Variants in C10orf90 observed in about 807,000 individuals in gnomAD.
C10orf90 encodes chromosome 10 open reading frame 90.
C10orf90 carries 56 observed loss-of-function variants against 62.5 expected under a neutral mutation model. The observed-to-expected ratio is 0.90, with a 90% CI of 0.72 to 1.12. C10orf90 has a LOEUF of 1.12. C10orf90 is among the 50% of genes most tolerant of loss of function. The pLI is 0.00. For missense variants in C10orf90, 970 were observed against 880.4 expected (o/e 1.10, Z -1.29); for synonymous variants, 386 against 340.4 (o/e 1.13, Z -1.47).
intron 2 of C10orf90, among the ~76,000 whole-genome samples, chr10:126,576,782 TTA>T (rs1362245090): frequency 6.9e-6 from 1 of 144,038 alleles, no homozygotes; most frequent in Non-Finnish European, 1.5e-5. Context: ...CATATACATA[TTA>T]TATATATATT....
intron 2 of C10orf90, among the ~76,000 whole-genome samples, chr10:126,628,790 C>T (rs917837636): frequency 1.3e-4 from 20 of 152,212 alleles, no homozygotes; most frequent in African/African-American, 4.3e-4. Context: ...TCTGCAGAAA[C>T]CAGGCTTGCC....
intron 4 of C10orf90, among the ~76,000 whole-genome samples, chr10:126,480,388 C>T (rs1266225594): frequency 6.6e-6 from 1 of 152,206 alleles, no homozygotes; most frequent in Admixed American, 6.5e-5. Context: ...GCTCAGTCTT[C>T]TGTTGGCTTT....
chr10:126,529,048 C>A (rs1864025273), intron 2 of C10orf90, among the ~76,000 whole-genome samples: 1 of 152,088 alleles, frequency 6.6e-6, no homozygotes, highest in African/African-American at 2.4e-5. Flanking sequence ...AAAAAGAGAC[C>A]CTCACATATA....
In C10orf90 at chr10:126,646,551, C is replaced by T. The variant is rs1432983532; in HGVS notation, c.313+14G>A. The stretch of plus-strand genomic sequence containing the variant: ...TGAAAGGGAACCCTGCCTGGGCAGG[C>T]CCCAGTCCTTTACCTGCATTGGAAA... On this transcript the variant is annotated intron_variant, in intron 2 of 9. Coordinates refer to ENST00000488181, the MANE Select transcript of C10orf90 (RefSeq NM_001350921.2). 6.9e-6 allele frequency: 3 copies of T among 432,714 alleles called. No homozygotes were observed. The highest frequency in any genetic ancestry group is 1.7e-5 in the South Asian group (1 of 59,320). 26.8% of individuals were successfully genotyped at this position (432,714 alleles called of 1,614,324 possible).
At chr10:126,512,326 CTATGTGTGTGTA>C (rs1863160399) in intron 3 of C10orf90, among the ~76,000 whole-genome samples, 1 of 139,638 alleles carries the variant, frequency 7.2e-6, no homozygotes, top group Non-Finnish European at 1.5e-5. Context: ...TGTGTGTGTT[CTATGTGTGTGTA>C]TGTGTGTGTG....
At chr10:126,463,262 C>T (rs1860102148) in intron 5 of C10orf90, 1 of 152,382 alleles carries the variant, frequency 6.6e-6, no homozygotes, top group Non-Finnish European at 1.5e-5. Context: ...GCTCAAAGAC[C>T]CATCCCTGGA....
chr10:126,578,275 C>G (rs1844666555), intron 2 of C10orf90, among the ~76,000 whole-genome samples: 1 of 151,614 alleles, frequency 6.6e-6, no homozygotes, highest in Non-Finnish European at 1.5e-5. Flanking sequence ...ATAAAGAACT[C>G]TCGCGAATTA....
At chr10:126,520,981 G>A in intron 2 of C10orf90, 1 of 249,282 alleles carries the variant, frequency 4.0e-6, no homozygotes, top group Non-Finnish European at 7.6e-6. Flanking sequence ...TATCCAAATG[G>A]CCCTTATCCC....
At chr10:126,507,569 GCC>G (rs1311793085) in intron 3 of C10orf90, among the ~76,000 whole-genome samples, 8 of 150,150 alleles carry the variant, frequency 5.3e-5, no homozygotes. Context: ...CTCTCTTTTA[GCC>G]CAGCGGCTAC....
At position 126,504,823 on chromosome 10, in the gene C10orf90, T is replaced by A. The variant is rs1386966908; in HGVS notation, c.668A>T (p.Glu223Val). The A allele has an allele frequency of 6.2e-6, 10 of 1,600,652 alleles. No individual in the cohort carries two copies. Among genetic ancestry groups the A allele is most frequent in the Non-Finnish European group, 8.5e-6 (10 of 1,172,506 alleles). Reference sequence around the variant, plus strand: ...GCGGGGGCCCCCACAGGGTCTCTCCTCTTTGGGCGGCAGCTCTGCCTCAGG... The same window carrying A: ...GCGGGGGCCCCCACAGGGTCTCTCCACTTTGGGCGGCAGCTCTGCCTCAGG... ...RGPEAELPPK[E>V]ERPCGGPRRG... is the part of the protein sequence containing the mutation. Residue 223 changes from glutamate (E) to valine (V), a missense_variant, in exon 4 of 10, where the codon GAG becomes GTG. Glu to Val is a moderately radical substitution (Grantham distance 121). Transcript: ENST00000488181. The surrounding 1 kb of genome is among the most constrained non-coding windows in gnomAD (Gnocchi z 4.1).
intron 2 of C10orf90, among the ~76,000 whole-genome samples, chr10:126,586,816 C>G (rs1165875612): frequency 6.6e-6 from 1 of 152,082 alleles, no homozygotes; most frequent in Non-Finnish European, 1.5e-5. Context: ...TCCTATCCAC[C>G]ACAGGCGCTG....
chr10:126,620,491 CAT>C lies in C10orf90; in HGVS notation c.313+26072_313+26073del, dbSNP rs527834017. The stretch of plus-strand genomic sequence containing the variant: ...AAAATTCACGTTATCAATTGTCACT[CAT>C]GTGATTCATCCTTAGGACACAGTCT... On this transcript the variant is annotated intron_variant, in intron 2 of 9. Coordinates refer to ENST00000488181, the MANE Select transcript of C10orf90 (RefSeq NM_001350921.2). Among the ~76,000 whole-genome samples, 388 of 152,316 alleles carry C rather than the reference CAT, an allele frequency of 2.5e-3. 5 individuals are homozygous for C. The highest frequency in any genetic ancestry group is 8.4e-4 in the Non-Finnish European group (57 of 68,034).
chr10:126,438,540 C>T lies in C10orf90; in HGVS notation c.2189-8690G>A, dbSNP rs569028536. ...CACACTTCTAAAAGAATACAGTATA[C>T]GACAAATAACATATTTTTCAAAGGA... On this transcript the variant is annotated intron_variant, in intron 7 of 9. Coordinates refer to ENST00000488181, the MANE Select transcript of C10orf90 (RefSeq NM_001350921.2). 9.6e-4 allele frequency among the ~76,000 whole-genome samples: 145 copies of T among 151,766 alleles called. 1 individual carries two copies. The highest frequency in any genetic ancestry group is 3.4e-3 in the Middle Eastern group (1 of 294).
intron 2 of C10orf90, among the ~76,000 whole-genome samples, chr10:126,515,559 C>T (rs74736422): frequency 0.015 from 2,266 of 152,268 alleles, 45 homozygotes; most frequent in African/African-American, 0.052. Flanking sequence ...CATACCATAC[C>T]GCCTAGGTGC....
rs1252822314 is a variant in C10orf90, at chr10:126,461,476, AT to A, written c.1934del (p.Asp645ValfsTer23). On this transcript the variant is annotated frameshift_variant, in exon 6 of 10. Transcript: ENST00000488181. LOFTEE classifies it high-confidence loss of function. ...SPAAPSPAPRDGAGSPGLSED... is the reference protein window; with the variant it reads ...SPAAPSPAPRXGAGSPGLSED... The stretch of plus-strand genomic sequence containing the variant: ...CGGACAGGCCAGGGCTCCCTGCTCC[AT>A]CGCGGGGTGCTGGCGAGGGTGCTGC... The A allele has an allele frequency of 6.2e-7, 1 of 1,614,148 alleles. No individual in the cohort carries two copies. The highest frequency in any genetic ancestry group is 8.5e-7 in the Non-Finnish European group (1 of 1,180,014).
intron 2 of C10orf90, among the ~76,000 whole-genome samples, chr10:126,562,790 A>C (rs1283014565): frequency 6.6e-6 from 1 of 152,224 alleles, no homozygotes; most frequent in Non-Finnish European, 1.5e-5. Context: ...CCCAACCAGG[A>C]CAGTAAAACC....
At chr10:126,637,266 A>G (rs1258599575) in intron 2 of C10orf90, among the ~76,000 whole-genome samples, 2 of 151,956 alleles carry the variant, frequency 1.3e-5, no homozygotes, top group Non-Finnish European at 2.9e-5. Context: ...GGGGACATGC[A>G]CTCTGTGTCG....
chr10:126,574,610 A>G (rs1347548963), intron 2 of C10orf90, among the ~76,000 whole-genome samples: 4 of 152,130 alleles, frequency 2.6e-5, no homozygotes, highest in African/African-American at 9.7e-5. Context: ...GGGTGGCTTA[A>G]CAATAAATCA....
intron 2 of C10orf90, among the ~76,000 whole-genome samples, chr10:126,616,950 C>A (rs1353333839): frequency 1.3e-5 from 2 of 152,126 alleles, no homozygotes; most frequent in Non-Finnish European, 2.9e-5. Flanking sequence ...CTAACCAGGG[C>A]TATGTTATCT....
Sources: allele counts gnomAD v4.1 joint callset (sites outside exome capture counted in the v4.1 genomes callset), GRCh38; gene constraint gnomAD v4.1.1; non-coding constraint Gnocchi (gnomAD v3.1); transcripts MANE v1.5; gene names NCBI Gene and HGNC (gene_info 2026-07-23, HGNC 2026-07-21).